The following ATP8A1 variants were observed in gnomAD, a reference collection of about 807,000 sequenced individuals.
The protein encoded by ATP8A1 is phospholipid-transporting ATPase IA.
Under a neutral mutation model 177.7 loss-of-function variants are expected in ATP8A1, and 90 were observed. The observed-to-expected ratio is 0.51, with a 90% CI of 0.43 to 0.60. The LOEUF is 0.60. Among genes scored for constraint, ATP8A1 ranks in the 20% least tolerant of loss-of-function variants. The pLI is 0.00. For synonymous variants in ATP8A1, 493 were observed against 485.9 expected (o/e 1.01, Z -0.19); for missense variants, 1,072 against 1,392.8 (o/e 0.77, Z 3.67).
intron 22 of ATP8A1, among the ~76,000 whole-genome samples, chr4:42,519,520 A>T (rs1725893619): frequency 6.6e-6 from 1 of 152,150 alleles, no homozygotes; most frequent in Admixed American, 6.6e-5. Context: ...TTTGTGGGCC[A>T]CCTTTTTGGG....
At position 42,413,863 on chromosome 4, in the gene ATP8A1, G is replaced by T. The variant is rs190009305; in HGVS notation, c.3397+764C>A. On this transcript the variant is annotated intron_variant, in intron 36 of 36. Coordinates refer to ENST00000381668, the MANE Select transcript of ATP8A1 (RefSeq NM_006095.2). ...TTGTTTGTCAATTTAAAAAGGCGAGGAGGAGGAGATAAACACAAATAGCTG... is the reference window on the plus strand; with the variant it reads ...TTGTTTGTCAATTTAAAAAGGCGAGTAGGAGGAGATAAACACAAATAGCTG... Among the ~76,000 whole-genome samples, 423 of 152,324 alleles carry T rather than the reference G, an allele frequency of 2.8e-3. 1 individual carries two copies. Among genetic ancestry groups the T allele is most frequent in the Admixed American group, 7.5e-3 (115 of 15,304 alleles).
chr4:42,473,223 A>G (rs944499448), intron 25 of ATP8A1, among the ~76,000 whole-genome samples: 4 of 152,228 alleles, frequency 2.6e-5, no homozygotes, highest in Non-Finnish European at 4.4e-5. Flanking sequence ...GAAGAACACA[A>G]GGAGAATAAA....
chr4:42,584,550 G>A (rs1290930526), intron 9 of ATP8A1, among the ~76,000 whole-genome samples: 2 of 152,090 alleles, frequency 1.3e-5, no homozygotes, highest in East Asian at 1.9e-4. Flanking sequence ...CCCTGCTTTG[G>A]TACAGTTTCT....
chr4:42,641,723 G>GA (rs917712235), intron 1 of ATP8A1, among the ~76,000 whole-genome samples: 2 of 151,762 alleles, frequency 1.3e-5, no homozygotes, highest in African/African-American at 2.4e-5. Context: ...AAGTACTGGG[G>GA]AAAAAAATGA....
intron 25 of ATP8A1, among the ~76,000 whole-genome samples, chr4:42,478,845 T>C (rs1016100342): frequency 6.6e-6 from 1 of 152,312 alleles, no homozygotes; most frequent in African/African-American, 2.4e-5. Context: ...TTTTCTTGGT[T>C]CTGATGGCAT....
intron 25 of ATP8A1, among the ~76,000 whole-genome samples, chr4:42,481,170 C>A (rs1167825535): frequency 6.6e-6 from 1 of 152,168 alleles, no homozygotes; most frequent in Non-Finnish European, 1.5e-5. Context: ...AGAACAGATG[C>A]TTCCCCAAAT....
chr4:42,433,021 G>C (rs953585169), intron 33 of ATP8A1, among the ~76,000 whole-genome samples: 3 of 152,092 alleles, frequency 2.0e-5, no homozygotes, highest in Non-Finnish European at 4.4e-5. Flanking sequence ...CTGGAATACT[G>C]TATATTCTGT....
At position 42,414,636 on chromosome 4, in the gene ATP8A1, T is replaced by A. The variant is rs1374347595; in HGVS notation, c.3388A>T (p.Asn1130Tyr). 6.2e-7 allele frequency: 1 copy of A among 1,613,618 alleles called. No individual in the cohort carries two copies. The highest frequency in any genetic ancestry group is 1.1e-5 in the South Asian group (1 of 91,078). ...AAACTCAAATACTCACGGAGCAGAT[T>A]TTGTTGCAAGGATTCAGAGCGGTAC... ...NLYRSESLQQ[N>Y]LLHGYAFSQD... The change falls in exon 36 of 37, where the codon AAT becomes TAT. Residue 1130 changes from asparagine (N) to tyrosine (Y), a missense_variant. Physicochemically the swap from Asn to Tyr is moderately radical, Grantham distance 143 (BLOSUM62 -2). Around this residue, in one of 5 missense-constraint regions of ATP8A1, gnomAD observed 316 missense variants for 459.1 expected, o/e 0.69. Coordinates refer to ENST00000381668, the MANE Select transcript of ATP8A1 (RefSeq NM_006095.2).
At chr4:42,645,021 C>CT (rs1432907390) in intron 1 of ATP8A1, among the ~76,000 whole-genome samples, 5 of 151,940 alleles carry the variant, frequency 3.3e-5, no homozygotes, top group African/African-American at 1.2e-4. Flanking sequence ...CTACAACATA[C>CT]TAAAAGCAAG....
chr4:42,598,174 A>G (rs1047065635), intron 6 of ATP8A1, among the ~76,000 whole-genome samples: 5 of 152,170 alleles, frequency 3.3e-5, no homozygotes, highest in Non-Finnish European at 7.4e-5. Context: ...TAAAAACAAC[A>G]TTTTAACATT....
At chr4:42,647,693 A>G (rs1167071319) in intron 1 of ATP8A1, among the ~76,000 whole-genome samples, 1 of 152,012 alleles carries the variant, frequency 6.6e-6, no homozygotes, top group Non-Finnish European at 1.5e-5. Context: ...CTGATCTGAG[A>G]TATAAATGCT....
rs766099286 is a variant in ATP8A1, at chr4:42,556,009, A to G, written c.1372T>C (p.Phe458Leu). The change falls in exon 16 of 37, where the codon TTT becomes CTT. Residue 458 changes from phenylalanine (F) to leucine (L), a missense_variant. Around this residue, in one of 5 missense-constraint regions of ATP8A1, gnomAD observed 388 missense variants for 471.7 expected, o/e 0.82. Transcript: ENST00000381668. The stretch of plus-strand genomic sequence containing the variant: ...TTTTCCAGCAATGATGAATCACTAA[A>G]TGTTTTTTCATCTCCAAACTGTGAG... ...QNSQFGDEKT[F>L]SDSSLLENLQ... 1.9e-5 allele frequency: 31 copies of G among 1,612,118 alleles called. No homozygotes were observed. The highest frequency in any genetic ancestry group is 1.6e-4 in the Middle Eastern group (1 of 6,076).
intron 5 of ATP8A1, among the ~76,000 whole-genome samples, chr4:42,602,615 A>G (rs571020771): frequency 6.6e-6 from 1 of 152,012 alleles, no homozygotes; most frequent in Admixed American, 6.6e-5. Context: ...AAAACACCAA[A>G]AAAATTAGCC....
intron 33 of ATP8A1, among the ~76,000 whole-genome samples, chr4:42,429,454 C>G (rs1352756936): frequency 6.6e-6 from 1 of 151,678 alleles, no homozygotes; most frequent in Non-Finnish European, 1.5e-5. Flanking sequence ...AAGGAAGTAC[C>G]AGCATTAACA....
intron 29 of ATP8A1, among the ~76,000 whole-genome samples, chr4:42,454,661 G>GGTGTGT (rs142603417): frequency 6.6e-6 from 1 of 151,182 alleles, no homozygotes; most frequent in African/African-American, 2.4e-5. Context: ...TAGAAAATGA[G>GGTGTGT]GTGTGTGTGT....
At chr4:42,467,311 A>G (rs1387068996) in intron 25 of ATP8A1, among the ~76,000 whole-genome samples, 4 of 152,146 alleles carry the variant, frequency 2.6e-5, no homozygotes, top group African/African-American at 7.2e-5. Context: ...CCCATTTAAG[A>G]AAAAAGAAAA....
In ATP8A1 at chr4:42,503,510, G is replaced by A. The variant is rs202148347; in HGVS notation, c.2091C>T (p.His697=). The change falls in exon 24 of 37, where the codon CAC becomes CAT. Residue 697 remains histidine (H), a synonymous_variant. Transcript: ENST00000381668. ...DKQETAINIG[H]SCKLLKKNMG... ...TGTTCTTCTTCAACAGTTTGCAGGA[G>A]TGTCCTGTATCCAAACACAGAGTAT... is the stretch of plus-strand genomic sequence containing the variant. 6 of 1,601,504 alleles carry A rather than the reference G, an allele frequency of 3.7e-6. No individual in the cohort carries two copies. In the African/African-American group the frequency reaches 8.0e-5, roughly 21 times the overall value.
At chr4:42,485,798 T>A in intron 24 of ATP8A1, 130 bp from the exon 25 acceptor site, 1 of 747,584 alleles carries the variant, frequency 1.3e-6, no homozygotes. Flanking sequence ...TGCTTTCACA[T>A]ACTTTCAGTC....
intron 14 of ATP8A1, among the ~76,000 whole-genome samples, chr4:42,571,376 C>T (rs1731887881): frequency 6.6e-6 from 1 of 151,564 alleles, no homozygotes. Context: ...CTTGTCCACA[C>T]AAAAAAGCAT....
Sources: allele counts gnomAD v4.1 joint callset (sites outside exome capture counted in the v4.1 genomes callset), GRCh38; gene constraint gnomAD v4.1.1; regional missense constraint gnomAD v4.1.1; transcripts MANE v1.5; gene names NCBI Gene and HGNC (gene_info 2026-07-23, HGNC 2026-07-21).